FMN1: variants seen among roughly 807,000 people sequenced by gnomAD.
The protein encoded by FMN1 is formin-1.
A neutral mutation model predicts 132.4 loss-of-function variants in FMN1; 110 were observed. The ratio of observed to expected loss-of-function variants is 0.83; its 90% CI spans 0.71 to 0.97. The LOEUF is 0.97. Among genes scored for constraint, FMN1 ranks in the 50% least tolerant of loss-of-function variants. The pLI is 0.00. For synonymous variants in FMN1, 722 were observed against 651.7 expected (o/e 1.11, Z -1.64); for missense variants, 1,792 against 1,705.3 (o/e 1.05, Z -0.90).
At chr15:33,148,231 C>T (rs1317724722) in intron 4 of FMN1, among the ~76,000 whole-genome samples, 4 of 152,186 alleles carry the variant, frequency 2.6e-5, no homozygotes, top group South Asian at 2.1e-4. Context: ...ACTAATAAAT[C>T]GGAGGGAAAA....
intron 7 of FMN1, among the ~76,000 whole-genome samples, chr15:32,975,755 T>C (rs1444071447): frequency 1.3e-5 from 2 of 152,160 alleles, no homozygotes; most frequent in Non-Finnish European, 2.9e-5. Context: ...TTCCCATACA[T>C]ATCATAAACC....
intron 4 of FMN1, among the ~76,000 whole-genome samples, chr15:33,149,346 A>C (rs1182130982): frequency 6.6e-6 from 1 of 152,218 alleles, no homozygotes; most frequent in Non-Finnish European, 1.5e-5. Flanking sequence ...AAATAGATAC[A>C]AATCTAGATC....
intron 17 of FMN1, among the ~76,000 whole-genome samples, chr15:32,830,851 C>T (rs796738022): frequency 1.3e-5 from 2 of 152,232 alleles, no homozygotes; most frequent in South Asian, 4.2e-4. Context: ...GGGGAGTGTT[C>T]AAGTAGTGCA....
chr15:32,865,962 T>C (rs1039536625), intron 16 of FMN1, among the ~76,000 whole-genome samples: 7 of 152,140 alleles, frequency 4.6e-5, no homozygotes, highest in African/African-American at 1.7e-4. Flanking sequence ...ACAATAGCTT[T>C]CGCACATTCT....
At chr15:33,101,376 T>C (rs1167744438) in intron 4 of FMN1, among the ~76,000 whole-genome samples, 1 of 152,160 alleles carries the variant, frequency 6.6e-6, no homozygotes, top group Non-Finnish European at 1.5e-5. Context: ...GTCTAATCTT[T>C]TGGCTTCCCT....
At chr15:33,049,757 C>T (rs2036879710) in intron 6 of FMN1, among the ~76,000 whole-genome samples, 1 of 152,180 alleles carries the variant, frequency 6.6e-6, no homozygotes, top group African/African-American at 2.4e-5. Context: ...AAATCGTGTT[C>T]AAATAAGGCA....
intron 6 of FMN1, 194 bp downstream of exon 6, chr15:33,064,763 T>C (rs567998422): frequency 2.4e-6 from 1 of 420,178 alleles, no homozygotes; most frequent in Admixed American, 4.3e-5. Context: ...ACTGCATTCA[T>C]CTTTCATCTT....
At chr15:32,838,908 G>A (rs923644343) in intron 17 of FMN1, among the ~76,000 whole-genome samples, 1 of 152,142 alleles carries the variant, frequency 6.6e-6, no homozygotes, top group African/African-American at 2.4e-5. Flanking sequence ...ATGCTTGCAC[G>A]ACGATAGTCC....
At chr15:32,900,250 T>C (rs745948729) in intron 13 of FMN1, 125 bp from the exon 14 acceptor site, 4 of 1,009,058 alleles carry the variant, frequency 4.0e-6, no homozygotes, top group Non-Finnish European at 6.1e-6. Flanking sequence ...GAATTAACAG[T>C]TGCTGAAATG....
At chr15:33,086,326 T>C (rs940200547) in intron 5 of FMN1, among the ~76,000 whole-genome samples, 2 of 133,556 alleles carry the variant, frequency 1.5e-5, no homozygotes, top group Non-Finnish European at 3.2e-5. Flanking sequence ...TTAAAAAAAA[T>C]CTCTCATTGA....
rs2031534831 is a variant in FMN1, at chr15:32,969,072, G to T, written c.2629C>A (p.Pro877Thr). Reference sequence around the variant, plus strand: ...AGTCCTGAGGGGAGGGGCGGAGGGGGAGGGATGGATGCGGGAGGCGGAGGC... The same window carrying T: ...AGTCCTGAGGGGAGGGGCGGAGGGGTAGGGATGGATGCGGGAGGCGGAGGC... The part of the protein sequence containing the change: ...ALPPPPASIP[P>T]PPPLPSGLGS... Residue 877 changes from proline (P) to threonine (T), a missense_variant, in exon 8 of 21, where the codon CCC (proline) becomes ACC (threonine). Coordinates refer to ENST00000616417, the MANE Select transcript of FMN1 (RefSeq NM_001277313.2). The T allele has an allele frequency of 3.8e-6, 6 of 1,585,800 alleles. No individual in the cohort carries two copies. The highest frequency in any genetic ancestry group is 5.2e-6 in the Non-Finnish European group (6 of 1,162,694).
chr15:33,071,476 A>T lies in FMN1; in HGVS notation c.2044-6402T>A, dbSNP rs185167613. Among the ~76,000 whole-genome samples, 24 of 152,354 alleles carry T rather than the reference A, an allele frequency of 1.6e-4. No individual in the cohort carries two copies. The East Asian group carries it at 2.9e-3, about 18-fold the overall frequency. On this transcript the variant is annotated intron_variant, in intron 5 of 20. Coordinates refer to ENST00000616417, the MANE Select transcript of FMN1 (RefSeq NM_001277313.2). Reference sequence around the variant, plus strand: ...CAACAATGAATGAGGCTGTGAGGACATAAGAATGAAGATAGCCCTGCCTTC... The same window carrying T: ...CAACAATGAATGAGGCTGTGAGGACTTAAGAATGAAGATAGCCCTGCCTTC...
intron 4 of FMN1, 85 bp downstream of exon 4, chr15:33,152,963 C>T: frequency 1.5e-6 from 2 of 1,344,580 alleles, no homozygotes; most frequent in African/African-American, 1.5e-5. Context: ...CATTGTTAAT[C>T]AGTCAGTTTC....
Position 33,127,336 on chromosome 15 carries a change from C to T in FMN1, c.1867+25712G>A, listed in dbSNP as rs536213392. ...AATGCTCCTCCACATTCAACCTGGA[C>T]CCTAAATCCCTCTAAATAACTTGAC... On this transcript the variant is annotated intron_variant, in intron 4 of 20. Coordinates refer to ENST00000616417, the MANE Select transcript of FMN1 (RefSeq NM_001277313.2). Among the ~76,000 whole-genome samples the T allele has an allele frequency of 1.5e-4, 23 of 150,856 alleles. 1 individual carries two copies. The South Asian group carries it at 1.7e-3, about 11-fold the overall frequency.
At chr15:32,967,556 C>G (rs2031359374) in intron 8 of FMN1, among the ~76,000 whole-genome samples, 1 of 152,154 alleles carries the variant, frequency 6.6e-6, no homozygotes, top group Non-Finnish European at 1.5e-5. Context: ...ATGGCAGAAG[C>G]TATTACAGGA....
chr15:32,800,033 C>T (rs139383551), intron 18 of FMN1, among the ~76,000 whole-genome samples: 60 of 151,928 alleles, frequency 3.9e-4, no homozygotes, highest in Admixed American at 1.6e-3. Flanking sequence ...TATTCAATGG[C>T]GATTGTAAAA....
At chr15:32,845,941 A>G (rs186597182) in intron 17 of FMN1, among the ~76,000 whole-genome samples, 2 of 151,312 alleles carry the variant, frequency 1.3e-5, no homozygotes, top group East Asian at 3.9e-4. Context: ...AGATATTACT[A>G]TTCCCATTTT....
chr15:33,043,272 A>G (rs2036524803), intron 6 of FMN1, among the ~76,000 whole-genome samples: 1 of 152,318 alleles, frequency 6.6e-6, no homozygotes, highest in South Asian at 2.1e-4. Flanking sequence ...ATGTTTTTCT[A>G]TACATCATGA....
At chr15:32,964,684 G>T (rs997271695) in intron 8 of FMN1, among the ~76,000 whole-genome samples, 1 of 152,178 alleles carries the variant, frequency 6.6e-6, no homozygotes, top group East Asian at 1.9e-4. Context: ...ACTGAAAATG[G>T]AGTACCGAAG....
Sources: allele counts gnomAD v4.1 joint callset (sites outside exome capture counted in the v4.1 genomes callset), GRCh38; gene constraint gnomAD v4.1.1; transcripts MANE v1.5; gene names NCBI Gene and HGNC (gene_info 2026-07-23, HGNC 2026-07-21).